Variants in SH3RF2 observed in about 807,000 individuals in gnomAD.
The protein encoded by SH3RF2 is E3 ubiquitin-protein ligase SH3RF2.
A neutral mutation model predicts 59.0 loss-of-function variants in SH3RF2; 43 were observed. The observed-to-expected ratio is 0.73, with a 90% CI of 0.57 to 0.94. The LOEUF (loss-of-function observed/expected upper bound fraction) is 0.94, where lower values mean the gene tolerates loss of function less well. Among genes scored for constraint, SH3RF2 ranks in the 40% least tolerant of loss-of-function variants. The probability of loss-of-function intolerance (pLI) is 0.00; values close to 1 mark genes in which losing one functional copy is unlikely to be tolerated. For missense variants in SH3RF2, 930 were observed against 940.1 expected, an observed-to-expected ratio of 0.99 and a Z score of 0.14; for synonymous variants, 391 against 391.5, an observed-to-expected ratio of 1.00 and a Z score of 0.01.
intron 5 of SH3RF2, among the ~76,000 whole-genome samples, chr5:146,020,774 C>G (rs1302477651): frequency 6.6e-6 from 1 of 151,954 alleles, no homozygotes; most frequent in Admixed American, 6.6e-5. Context: ...TTCTGATTAC[C>G]TAGAACAAAA....
chr5:146,039,229 G>A (rs936300886), intron 5 of SH3RF2, among the ~76,000 whole-genome samples: 15 of 151,860 alleles, frequency 9.9e-5, no homozygotes, highest in African/African-American at 3.1e-4. Flanking sequence ...TATGACCTTG[G>A]GAGGAAAAAA....
In SH3RF2 at chr5:146,062,413, C is replaced by A; in HGVS notation, c.1915-13C>A. On this transcript the variant is annotated splice_polypyrimidine_tract_variant and intron_variant, in intron 9 of 9. Transcript: ENST00000359120. ...ACCTCACCTGTGTCCATTTCCTCTC[C>A]TTTCTCTTGCAGCAAGTCAAAACCG... 1.2e-6 allele frequency: 2 copies of A among 1,611,774 alleles called. No individual in the cohort carries two copies. The highest frequency in any genetic ancestry group is 1.7e-6 in the Non-Finnish European group (2 of 1,178,306).
In SH3RF2 at chr5:146,055,979, A is replaced by C; in HGVS notation, c.1323-2A>C. The C allele has an allele frequency of 6.2e-7, 1 of 1,604,272 alleles. No homozygotes were observed. The highest frequency in any genetic ancestry group is 1.1e-5 in the South Asian group (1 of 88,584). On this transcript the variant is annotated splice_acceptor_variant, in intron 7 of 9. Transcript: ENST00000359120. LOFTEE classifies it high-confidence loss of function. ...CTTAAAAAAAAAATTTTCCAAAACCAGAAAGACCTCTAGTTTTCCAGACTC... is the reference window on the plus strand; with the variant it reads ...CTTAAAAAAAAAATTTTCCAAAACCCGAAAGACCTCTAGTTTTCCAGACTC...
chr5:145,980,210 CAA>C (rs967597434), intron 2 of SH3RF2, among the ~76,000 whole-genome samples: 6 of 152,140 alleles, frequency 3.9e-5, no homozygotes, highest in African/African-American at 1.4e-4. Context: ...TAACAAACGA[CAA>C]GAGTTGAAGC....
chr5:145,999,333 C>G (rs978119582), intron 2 of SH3RF2, among the ~76,000 whole-genome samples: 4 of 152,148 alleles, frequency 2.6e-5, no homozygotes, highest in African/African-American at 9.7e-5. Context: ...TTCTCCATAT[C>G]GGCAATAAGG....
chr5:145,991,884 T>C (rs900879205), intron 2 of SH3RF2, among the ~76,000 whole-genome samples: 16 of 152,174 alleles, frequency 1.1e-4, no homozygotes, highest in African/African-American at 3.6e-4. Flanking sequence ...ACTCCATTCA[T>C]TGCCCCCATT....
intron 2 of SH3RF2, among the ~76,000 whole-genome samples, chr5:145,992,968 G>T (rs1389441146): frequency 1.3e-5 from 2 of 152,048 alleles, no homozygotes; most frequent in African/African-American, 2.4e-5. Flanking sequence ...CCAAGACAAG[G>T]CAAGTCCCTT....
chr5:146,070,669 C>T (rs571497430), intron 9 of SH3RF2, among the ~76,000 whole-genome samples: 16 of 152,272 alleles, frequency 1.1e-4, no homozygotes, highest in African/African-American at 3.8e-4. Flanking sequence ...TCCAAAATGA[C>T]CCCCACTTCC....
intron 5 of SH3RF2, among the ~76,000 whole-genome samples, chr5:146,032,657 CCTCAG>C (rs1761782500): frequency 6.6e-6 from 1 of 152,184 alleles, no homozygotes; most frequent in Non-Finnish European, 1.5e-5. Flanking sequence ...CTTTACCAAA[CCTCAG>C]CTCAGGGCCA....
intron 2 of SH3RF2, among the ~76,000 whole-genome samples, chr5:145,952,418 T>A (rs1175622345): frequency 2.6e-5 from 4 of 152,140 alleles, no homozygotes; most frequent in African/African-American, 9.7e-5. Flanking sequence ...AAAAAACAAC[T>A]TTTGTTCCTC....
At chr5:145,937,183 G>T (rs1196527041) in intron 1 of SH3RF2, 2 of 150,960 alleles carry the variant, frequency 1.3e-5, no homozygotes, top group African/African-American at 2.4e-5. Context: ...AAAAAAAAAA[G>T]ATGAAAAAAG....
intron 5 of SH3RF2, among the ~76,000 whole-genome samples, chr5:146,025,301 T>C (rs1039363460): frequency 6.6e-5 from 10 of 152,214 alleles, no homozygotes; most frequent in African/African-American, 2.4e-4. Context: ...CAGCCACCCC[T>C]TTTTCCACTG....
At chr5:146,048,701 A>C (rs1762388112) in intron 6 of SH3RF2, among the ~76,000 whole-genome samples, 2 of 152,102 alleles carry the variant, frequency 1.3e-5, no homozygotes, top group South Asian at 4.1e-4. Context: ...TGTTTCCTGA[A>C]TGCCTTTGAT....
At chr5:146,044,416 T>C (rs563236528) in intron 5 of SH3RF2, among the ~76,000 whole-genome samples, 82 of 152,312 alleles carry the variant, frequency 5.4e-4, no homozygotes, top group African/African-American at 2.0e-3. Context: ...CCCAAAGTGC[T>C]GGTTGGTCTT....
At chr5:146,014,737 T>C (rs927239616) in intron 5 of SH3RF2, among the ~76,000 whole-genome samples, 6 of 152,182 alleles carry the variant, frequency 3.9e-5, no homozygotes, top group Non-Finnish European at 5.9e-5. Flanking sequence ...AGATAATGCA[T>C]GTAAAGTGAC....
At chr5:146,014,592 C>A (rs1005577502) in intron 5 of SH3RF2, among the ~76,000 whole-genome samples, 1 of 152,080 alleles carries the variant, frequency 6.6e-6, no homozygotes, top group South Asian at 2.1e-4. Context: ...AAATACAAGT[C>A]CTATGCTCAA....
chr5:146,052,651 C>A (rs74866149), intron 7 of SH3RF2, among the ~76,000 whole-genome samples: 2 of 152,038 alleles, frequency 1.3e-5, no homozygotes, highest in East Asian at 3.9e-4. Flanking sequence ...CCTTGATGAT[C>A]TCTCTAATGC....
intron 2 of SH3RF2, among the ~76,000 whole-genome samples, chr5:145,976,343 T>C (rs181344394): frequency 1.3e-5 from 2 of 151,956 alleles, no homozygotes; most frequent in Admixed American, 6.6e-5. Flanking sequence ...TTGAGTGAGA[T>C]ACTGTATCTA....
chr5:146,064,780 G>GA (rs779163252), downstream of SH3RF2, among the ~76,000 whole-genome samples: 3,840 of 21,272 alleles, frequency 0.18, 507 homozygotes, highest in East Asian at 0.33. Context: ...GGAAGGAAAG[G>GA]AAGGAAGGAA....
Sources: allele counts gnomAD v4.1 joint callset (sites outside exome capture counted in the v4.1 genomes callset), GRCh38; gene constraint gnomAD v4.1.1; transcripts MANE v1.5; gene names NCBI Gene and HGNC (gene_info 2026-07-23, HGNC 2026-07-21).